Variants in CACNA2D2 observed in about 807,000 individuals in gnomAD.
The protein encoded by CACNA2D2 is calcium voltage-gated channel auxiliary subunit alpha2delta 2, also known as voltage-dependent calcium channel subunit alpha-2/delta-2.
In CACNA2D2, 48 loss-of-function variants were observed where a neutral mutation model predicts 166.4. That is an observed-to-expected ratio of 0.29 (90% confidence interval 0.23 to 0.37). The LOEUF is 0.37. CACNA2D2 is among the 10% of genes least tolerant of loss of function. The pLI is 1.00. For missense variants in CACNA2D2, 1,122 were observed against 1,433.0 expected, an observed-to-expected ratio of 0.78 and a Z score of 3.50; for synonymous variants, 561 against 573.7, an observed-to-expected ratio of 0.98 and a Z score of 0.32.
intron 2 of CACNA2D2, among the ~76,000 whole-genome samples, chr3:50,449,254 C>T (rs1708996115): frequency 6.6e-6 from 1 of 152,226 alleles, no homozygotes; most frequent in Non-Finnish European, 1.5e-5. Flanking sequence ...TGATCCAACC[C>T]TGGACCTAGG....
In CACNA2D2 at chr3:50,364,317, C is replaced by A. The variant is rs1575576066; in HGVS notation, c.*349G>T. 3.4e-6 allele frequency: 1 copy of A among 293,536 alleles called. No individual in the cohort carries two copies. Among genetic ancestry groups the A allele is most frequent in the East Asian group, 6.1e-5 (1 of 16,398 alleles). 18.2% of individuals were successfully genotyped at this position (293,536 alleles called of 1,614,324 possible). On this transcript the variant is annotated 3_prime_UTR_variant, in exon 38 of 38. Transcript: ENST00000424201. ...AGGCCGGGTCAGCTGAGGCAGGGTCCCCCCCAACATAGGCAGCCTCCAGGA... is the reference window on the plus strand; with the variant it reads ...AGGCCGGGTCAGCTGAGGCAGGGTCACCCCCAACATAGGCAGCCTCCAGGA...
chr3:50,375,573 G>A lies in CACNA2D2; in HGVS notation c.1907+71C>T. The A allele has an allele frequency of 1.3e-6, 2 of 1,525,980 alleles. No individual in the cohort carries two copies. Among genetic ancestry groups the A allele is most frequent in the Non-Finnish European group, 1.8e-6 (2 of 1,106,916 alleles). The allele number at this position is 1,525,980 out of a possible 1,614,324, so 94.5% of individuals were successfully genotyped here. ...GGGATGGTGGTCACAGTGGGAGAGG[G>A]AGGGGACAGCTGGGCTCAGATTCTG... On this transcript the variant is annotated intron_variant, in intron 21 of 37. Transcript: ENST00000424201. This position sits in a 1 kb window ranked among gnomAD's most constrained non-coding sequence, Gnocchi z 4.0.
chr3:50,380,945 T>C lies in CACNA2D2; in HGVS notation c.784+50A>G, dbSNP rs1416585978. Reference sequence around the variant, plus strand: ...CCCCCAGGATGGGTGGGCTGGTAGATGGAGAAAGGCGAGGTGCTGGGTAGA... The same window carrying C: ...CCCCCAGGATGGGTGGGCTGGTAGACGGAGAAAGGCGAGGTGCTGGGTAGA... On this transcript the variant is annotated intron_variant, in intron 7 of 37. Transcript: ENST00000424201. The surrounding 1 kb of genome is among the most constrained non-coding windows in gnomAD (Gnocchi z 4.9). 5.6e-6 allele frequency: 9 copies of C among 1,604,714 alleles called. No homozygotes were observed. Among genetic ancestry groups the C allele is most frequent in the South Asian group, 2.2e-5 (2 of 90,086 alleles).
At chr3:50,383,136 T>C (rs1705416582) in intron 6 of CACNA2D2, among the ~76,000 whole-genome samples, 1 of 152,092 alleles carries the variant, frequency 6.6e-6, no homozygotes, top group Non-Finnish European at 1.5e-5. Context: ...GAGAGGGCGG[T>C]GTGGCTCCTG....
chr3:50,436,879 C>T (rs1708375854), intron 2 of CACNA2D2, among the ~76,000 whole-genome samples: 1 of 152,216 alleles, frequency 6.6e-6, no homozygotes, highest in Admixed American at 6.5e-5. Flanking sequence ...TCTGGGCAGT[C>T]TCCCACACTG....
intron 1 of CACNA2D2, among the ~76,000 whole-genome samples, chr3:50,501,227 G>A (rs1200126871): frequency 6.6e-6 from 1 of 152,138 alleles, no homozygotes; most frequent in East Asian, 1.9e-4. Context: ...CACTGGCCAT[G>A]GTCATGTGTG....
chr3:50,482,675 G>C (rs1262031219), intron 1 of CACNA2D2, among the ~76,000 whole-genome samples: 3 of 152,196 alleles, frequency 2.0e-5, no homozygotes, highest in Non-Finnish European at 4.4e-5. Context: ...ACATGGGATG[G>C]TTGTGCCTCC....
chr3:50,495,478 G>C (rs1171577766), intron 1 of CACNA2D2, among the ~76,000 whole-genome samples: 1 of 152,204 alleles, frequency 6.6e-6, no homozygotes, highest in Non-Finnish European at 1.5e-5. Context: ...GCCCATCACA[G>C]GGCATCACTG....
chr3:50,503,155 G>C (rs1299823617), intron 1 of CACNA2D2, 63 bp downstream of exon 1: 1 of 1,007,030 alleles, frequency 9.9e-7, no homozygotes, highest in Non-Finnish European at 1.2e-6. Flanking sequence ...GAGTAGCGCG[G>C]ACCGGGGGCA....
chr3:50,426,493 G>C (rs1707813509), intron 3 of CACNA2D2, among the ~76,000 whole-genome samples: 1 of 152,188 alleles, frequency 6.6e-6, no homozygotes, highest in Admixed American at 6.5e-5. Context: ...AAGGTGTTGA[G>C]CTTCCAGGCC....
intron 2 of CACNA2D2, among the ~76,000 whole-genome samples, chr3:50,446,312 C>T (rs1295355026): frequency 6.6e-6 from 1 of 152,234 alleles, no homozygotes; most frequent in Non-Finnish European, 1.5e-5. Context: ...CAAATTCTCA[C>T]CAGCCCCAGT....
At chr3:50,439,932 GGCT>G (rs1299716003) in intron 2 of CACNA2D2, among the ~76,000 whole-genome samples, 1 of 152,198 alleles carries the variant, frequency 6.6e-6, no homozygotes, top group Non-Finnish European at 1.5e-5. Flanking sequence ...ACCCCTTCTA[GGCT>G]GCTAACCTGG....
Position 50,364,438 on chromosome 3 carries a change from A to C in CACNA2D2, c.*228T>G. 1 of 551,812 alleles carries C rather than the reference A, an allele frequency of 1.8e-6. No individual in the cohort carries two copies. Among genetic ancestry groups the C allele is most frequent in the Admixed American group, 3.6e-5 (1 of 27,510 alleles). The allele number at this position is 551,812 out of a possible 1,614,324, so 34.2% of individuals were successfully genotyped here. A position where few individuals can be genotyped will look rare whatever the true frequency, so the allele number is the denominator to read the frequency against. Reference sequence around the variant, plus strand: ...CCCAGCAGGCAAGAAGGGTCTGGGGACACTTGAACAGTTCGGAGGTGAGAT... The same window carrying C: ...CCCAGCAGGCAAGAAGGGTCTGGGGCCACTTGAACAGTTCGGAGGTGAGAT... On this transcript the variant is annotated 3_prime_UTR_variant, in exon 38 of 38. Transcript: ENST00000424201.
At chr3:50,481,727 G>GGCTCACCCCTGTAACCCCAGCACTTTT (rs1384215095) in intron 1 of CACNA2D2, among the ~76,000 whole-genome samples, 1 of 152,212 alleles carries the variant, frequency 6.6e-6, no homozygotes, top group African/African-American at 2.4e-5. Flanking sequence ...TGGGCATGGT[G>GGCTCACCCCTGTAACCCCAGCACTTTT]GCTCACCCCT....
Position 50,379,633 on chromosome 3 carries a change from G to A in CACNA2D2, c.994-43C>T. On this transcript the variant is annotated intron_variant, in intron 10 of 37. Transcript: ENST00000424201. This position sits in a 1 kb window ranked among gnomAD's most constrained non-coding sequence, Gnocchi z 6.5. ...TGGTGAGTGGCCTCAGGCTGGCCGG[G>A]GTAGGCAGCTATTGCATGGGGCTGG... 6.2e-7 allele frequency: 1 copy of A among 1,612,556 alleles called. No individual in the cohort carries two copies. Among genetic ancestry groups the A allele is most frequent in the Non-Finnish European group, 8.5e-7 (1 of 1,179,068 alleles).
chr3:50,487,615 G>A (rs1421102078), intron 1 of CACNA2D2, among the ~76,000 whole-genome samples: 4 of 152,268 alleles, frequency 2.6e-5, no homozygotes, highest in African/African-American at 4.8e-5. Flanking sequence ...CCCCTCTGCA[G>A]GCTGTGAGGG....
chr3:50,378,513 G>A (rs1383304632), intron 13 of CACNA2D2, among the ~76,000 whole-genome samples, 180 bp from the exon 14 acceptor site: 2 of 152,236 alleles, frequency 1.3e-5, no homozygotes, highest in Non-Finnish European at 1.5e-5. Flanking sequence ...CTATGGAGAG[G>A]GAGTGAGTGC....
intron 2 of CACNA2D2, among the ~76,000 whole-genome samples, chr3:50,456,145 A>T (rs1385652098): frequency 6.6e-6 from 1 of 152,256 alleles, no homozygotes; most frequent in Non-Finnish European, 1.5e-5. Flanking sequence ...ACTGAGGCAT[A>T]GAGAAGTGGA....
chr3:50,366,603 T>C lies in CACNA2D2; in HGVS notation c.2612A>G (p.Glu871Gly). The C allele has an allele frequency of 6.2e-7, 1 of 1,614,008 alleles. No homozygotes were observed. The highest frequency in any genetic ancestry group is 8.5e-7 in the Non-Finnish European group (1 of 1,180,018). The change falls in exon 30 of 38, where the codon GAG becomes GGG. Residue 871 changes from glutamate (E) to glycine (G), a missense_variant. Coordinates refer to ENST00000424201, the MANE Select transcript of CACNA2D2 (RefSeq NM_006030.4). This position sits in a 1 kb window ranked among gnomAD's most constrained non-coding sequence, Gnocchi z 5.9. ...CTCATTGTTAACCTCGCAGTCCATCTCACAGTGGCTGTTGGGGCCGCACTG... is the reference window on the plus strand; with the variant it reads ...CTCATTGTTAACCTCGCAGTCCATCCCACAGTGGCTGTTGGGGCCGCACTG... ...PQKCGPNSHC[E>G]MDCEVNNEDL...
Sources: allele counts gnomAD v4.1 joint callset (sites outside exome capture counted in the v4.1 genomes callset), GRCh38; gene constraint gnomAD v4.1.1; non-coding constraint Gnocchi (gnomAD v3.1); transcripts MANE v1.5; gene names NCBI Gene and HGNC (gene_info 2026-07-23, HGNC 2026-07-21).